Variants in NAA16 observed in about 807,000 individuals in gnomAD.
The protein encoded by NAA16 is NARG1-like protein.
A neutral mutation model predicts 110.3 loss-of-function variants in NAA16; 97 were observed. That is an observed-to-expected ratio of 0.88 (90% CI 0.75 to 1.04). NAA16 has a LOEUF of 1.04. Ranked by LOEUF, NAA16 falls within the 50% of genes least tolerant of loss-of-function variation. The probability of loss-of-function intolerance (pLI) is 0.00; values close to 1 mark genes in which losing one functional copy is unlikely to be tolerated. For missense variants in NAA16, 1,017 were observed against 1,005.1 expected, an observed-to-expected ratio of 1.01 and a Z score of -0.16; for synonymous variants, 372 against 330.6, an observed-to-expected ratio of 1.13 and a Z score of -1.36.
At chr13:41,361,991 C>T in intron 12 of NAA16, 40 bp from the exon 13 acceptor site, 1 of 1,594,794 alleles carries the variant, frequency 6.3e-7, no homozygotes, top group Non-Finnish European at 8.5e-7. Flanking sequence ...GGATCTCTTT[C>T]ATTGTTTGCT....
intron 17 of NAA16, chr13:41,373,245 T>G: frequency 2.5e-6 from 2 of 803,438 alleles, no homozygotes; most frequent in Non-Finnish European, 3.0e-6. Flanking sequence ...ATAAAGGTTT[T>G]TTGTTGTTGT....
At chr13:41,325,943 A>G (rs2042083365) in intron 6 of NAA16, 92 bp downstream of exon 6, 3 of 1,037,496 alleles carry the variant, frequency 2.9e-6, no homozygotes, top group Non-Finnish European at 4.0e-6. Flanking sequence ...AACAGTTGTT[A>G]TGTATCTGGC....
intron 2 of NAA16, 29 bp from the exon 3 acceptor site, chr13:41,318,777 G>C: frequency 1.6e-6 from 2 of 1,284,368 alleles, no homozygotes; most frequent in Non-Finnish European, 2.2e-6. Context: ...TGTGTCATTT[G>C]TAAATAGAGT....
At chr13:41,331,250 C>A in intron 7 of NAA16, 24 bp from the exon 8 acceptor site, 1 of 1,417,790 alleles carries the variant, frequency 7.1e-7, no homozygotes, top group Non-Finnish European at 9.8e-7. Context: ...TGCTATGAAT[C>A]TCACCCATAT....
chr13:41,374,481 A>G (rs968161034), intron 18 of NAA16: 5 of 261,724 alleles, frequency 1.9e-5, no homozygotes, highest in Non-Finnish European at 3.6e-5. Flanking sequence ...TTTAATAACC[A>G]TCATTTTGTG....
intron 9 of NAA16, among the ~76,000 whole-genome samples, chr13:41,348,150 A>G (rs1290121897): frequency 6.6e-6 from 1 of 151,444 alleles, no homozygotes; most frequent in Admixed American, 6.6e-5. Context: ...ACATTAATTG[A>G]TTTCAGATGT....
At chr13:41,364,396 T>TC (rs747769348) in intron 13 of NAA16, among the ~76,000 whole-genome samples, 1,626 of 150,556 alleles carry the variant, frequency 0.011, 27 homozygotes, top group African/African-American at 0.034. Flanking sequence ...TCTGTTTTCA[T>TC]CCCCCCCCCA....
At chr13:41,341,607 C>T (rs909913942) in intron 9 of NAA16, among the ~76,000 whole-genome samples, 3 of 151,846 alleles carry the variant, frequency 2.0e-5, no homozygotes, top group South Asian at 2.1e-4. Flanking sequence ...CTCCCAGCTA[C>T]TTGGAAGGCT....
At chr13:41,366,509 A>G (rs2043210143) in intron 13 of NAA16, among the ~76,000 whole-genome samples, 1 of 152,154 alleles carries the variant, frequency 6.6e-6, no homozygotes, top group Middle Eastern at 3.2e-3. Flanking sequence ...GGGGAACAGT[A>G]TAAGTATAAG....
At chr13:41,320,990 T>C (rs2041931219) in intron 4 of NAA16, among the ~76,000 whole-genome samples, 166 bp downstream of exon 4, 1 of 152,242 alleles carries the variant, frequency 6.6e-6, no homozygotes, top group African/African-American at 2.4e-5. Flanking sequence ...TGTGGCACTT[T>C]GTACTTGAGT....
intron 9 of NAA16, among the ~76,000 whole-genome samples, chr13:41,354,886 AT>A (rs10671840): frequency 0.039 from 4,385 of 111,950 alleles, 54 homozygotes; most frequent in Middle Eastern, 0.066. Flanking sequence ...GGAGTGGTCC[AT>A]TTTTTTTTTT....
intron 1 of NAA16, among the ~76,000 whole-genome samples, chr13:41,312,599 G>A (rs753855732): frequency 6.6e-6 from 1 of 152,214 alleles, no homozygotes; most frequent in Non-Finnish European, 1.5e-5. Context: ...TAGGTTTAAA[G>A]GTGAATTTAT....
At chr13:41,326,573 TTTA>T (rs2042097879) in intron 6 of NAA16, among the ~76,000 whole-genome samples, 1 of 152,140 alleles carries the variant, frequency 6.6e-6, no homozygotes, top group Non-Finnish European at 1.5e-5. Flanking sequence ...ATGGATGCTA[TTTA>T]TTAACCCCAT....
At chr13:41,359,879 A>G (rs1566292364) in intron 12 of NAA16, among the ~76,000 whole-genome samples, 1 of 152,164 alleles carries the variant, frequency 6.6e-6, no homozygotes, top group African/African-American at 2.4e-5. Flanking sequence ...AATATATAGG[A>G]GTTTATCTTC....
At chr13:41,343,217 G>A (rs771302236) in intron 9 of NAA16, among the ~76,000 whole-genome samples, 6 of 151,204 alleles carry the variant, frequency 4.0e-5, no homozygotes, top group South Asian at 2.1e-4. Context: ...TGATCCTTCC[G>A]TCTCAGCCTC....
chr13:41,311,511 G>T lies in NAA16; in HGVS notation c.-18G>T. The T allele has an allele frequency of 6.3e-7, 1 of 1,592,668 alleles. No individual in the cohort carries two copies. Among genetic ancestry groups the T allele is most frequent in the Non-Finnish European group, 8.5e-7 (1 of 1,170,338 alleles). ...ACCTAGCCTCCCTGCCGGCCACCTA[G>T]CCTCCCTGCCGGCCACGATGCCGAA... On this transcript the variant is annotated 5_prime_UTR_variant, in exon 1 of 20. Coordinates refer to ENST00000379406, the MANE Select transcript of NAA16 (RefSeq NM_024561.5).
At chr13:41,367,697 T>A (rs1212254146) in intron 14 of NAA16, 45 bp downstream of exon 14, 1 of 1,304,740 alleles carries the variant, frequency 7.7e-7, no homozygotes, top group Admixed American at 2.1e-5. Flanking sequence ...ACACTAAATT[T>A]CAGAATGCCA....
intron 9 of NAA16, among the ~76,000 whole-genome samples, chr13:41,352,725 C>T (rs1323639396): frequency 6.6e-6 from 1 of 152,014 alleles, no homozygotes; most frequent in Non-Finnish European, 1.5e-5. Context: ...AACGGTCAGT[C>T]CCCTTTGTTG....
chr13:41,324,038 T>C (rs562141785), intron 5 of NAA16, among the ~76,000 whole-genome samples: 37 of 152,312 alleles, frequency 2.4e-4, no homozygotes, highest in African/African-American at 8.7e-4. Flanking sequence ...TACTCCTCCT[T>C]TGCATTCTGT....
Sources: gnomAD v4.1 joint callset for allele counts (sites outside exome capture counted in the v4.1 genomes callset) on GRCh38, gnomAD v4.1.1 for gene constraint, MANE v1.5 for transcripts, NCBI Gene and HGNC (gene_info 2026-07-23, HGNC 2026-07-21) for gene names.